The following FTO variants were observed in gnomAD, a reference collection of about 807,000 sequenced individuals.
FTO encodes the protein FTO alpha-ketoglutarate dependent dioxygenase.
A neutral mutation model predicts 63.9 loss-of-function variants in FTO; 47 were observed. That is an observed-to-expected ratio of 0.74 (90% CI 0.58 to 0.94). The LOEUF (loss-of-function observed/expected upper bound fraction) is 0.94. Ranked by LOEUF, FTO falls within the 40% of genes least tolerant of loss-of-function variation. FTO has a pLI of 0.00. For synonymous variants in FTO, 207 were observed against 224.4 expected, an observed-to-expected ratio of 0.92 and a Z score of 0.69; for missense variants, 562 against 618.1, an observed-to-expected ratio of 0.91 and a Z score of 0.96.
chr16:54,039,978 G>C (rs2085033082), intron 8 of FTO: 1 of 152,160 alleles, frequency 6.6e-6, no homozygotes, highest in South Asian at 2.1e-4. Context: ...TGTGAGCCAA[G>C]GTTTCTAACC....
intron 7 of FTO, among the ~76,000 whole-genome samples, chr16:53,933,631 C>G (rs1461871997): frequency 6.6e-6 from 1 of 152,028 alleles, no homozygotes; most frequent in East Asian, 1.9e-4. Flanking sequence ...AAAGGCAAAA[C>G]AAACAACTCA....
At chr16:54,048,229 A>G (rs1411072431) in intron 8 of FTO, among the ~76,000 whole-genome samples, 26 of 142,262 alleles carry the variant, frequency 1.8e-4, no homozygotes, top group Non-Finnish European at 3.3e-4. Context: ...AAAATAAAAA[A>G]TAAAAAATAA....
At position 53,907,154 on chromosome 16, in the gene FTO, G is replaced by A. The variant is rs1431888310; in HGVS notation, c.1239+18203G>A. On this transcript the variant is annotated intron_variant, in intron 7 of 8. Transcript: ENST00000471389. ...TATAGATGCTCCTCAACTTACGATGGGTCTGTGTCCTGATATACCCATTGA... is the reference window on the plus strand; with the variant it reads ...TATAGATGCTCCTCAACTTACGATGAGTCTGTGTCCTGATATACCCATTGA... 3.3e-5 allele frequency among the ~76,000 whole-genome samples: 5 copies of A among 152,004 alleles called. No individual in the cohort carries two copies. The East Asian group carries it at 9.6e-4, about 29-fold the overall frequency.
Position 53,844,712 on chromosome 16 carries a change from G to A in FTO, c.895+414G>A, listed in dbSNP as rs184357684. On this transcript the variant is annotated intron_variant, in intron 4 of 8. Transcript: ENST00000471389. ...TGACCTCAGGTGATCCACCTGCCTC[G>A]GTCCCCCAAAGTGCTGAGATTTACA... is the stretch of plus-strand genomic sequence containing the variant. Among the ~76,000 whole-genome samples the A allele has an allele frequency of 1.1e-3, 172 of 152,124 alleles. 1 individual carries two copies. The highest frequency in any genetic ancestry group is 3.9e-3 in the African/African-American group (160 of 41,482).
At chr16:53,870,224 T>A (rs113586290) in intron 4 of FTO, among the ~76,000 whole-genome samples, 5 of 152,102 alleles carry the variant, frequency 3.3e-5, no homozygotes, top group Non-Finnish European at 7.4e-5. Context: ...AATAAATAAA[T>A]AAATAAATAA....
At position 53,704,237 on chromosome 16, in the gene FTO, G is replaced by T. The variant is rs886052101; in HGVS notation, c.45+8G>T. The T allele has an allele frequency of 3.2e-6, 5 of 1,551,274 alleles. No individual in the cohort carries two copies. The East Asian group carries it at 1.2e-4, about 38-fold the overall frequency. On this transcript the variant is annotated splice_region_variant and intron_variant, in intron 1 of 8. Coordinates refer to ENST00000471389, the MANE Select transcript of FTO (RefSeq NM_001080432.3). ...CGAGAGCGCGAAGCTAAGGTATGTCGGGCTCCCGGGGCCTGGAGATCTTCG... is the reference window on the plus strand; with the variant it reads ...CGAGAGCGCGAAGCTAAGGTATGTCTGGCTCCCGGGGCCTGGAGATCTTCG...
intron 8 of FTO, among the ~76,000 whole-genome samples, chr16:54,028,847 T>A (rs1434168039): frequency 6.6e-6 from 1 of 152,144 alleles, no homozygotes; most frequent in African/African-American, 2.4e-5. Flanking sequence ...TTTTTCTTCC[T>A]CTCTCTACAT....
rs1292194202 is a variant in FTO at position 54,118,390 on chromosome 16, C to T, written c.*6475C>T. 1 of 144,202 alleles carries T rather than the reference C, an allele frequency of 6.9e-6. No individual in the cohort carries two copies. The highest frequency in any genetic ancestry group is 1.5e-5 in the Non-Finnish European group (1 of 66,612). The allele number at this position is 144,202 out of a possible 1,614,324, so 8.9% of individuals were successfully genotyped here. ...TCTTTTTTTTTTTCAGACAGGGTCT[C>T]ACCCTGTCACGTAGGCTGGAGTGCA... On this transcript the variant is annotated 3_prime_UTR_variant, in exon 9 of 9. Coordinates refer to ENST00000471389, the MANE Select transcript of FTO (RefSeq NM_001080432.3).
intron 8 of FTO, among the ~76,000 whole-genome samples, chr16:54,061,419 T>C (rs1399492907): frequency 4.6e-5 from 7 of 152,220 alleles, no homozygotes; most frequent in African/African-American, 2.4e-5. Context: ...AGGTCACAGA[T>C]TTCAAGAGAA....
intron 8 of FTO, among the ~76,000 whole-genome samples, chr16:54,038,717 C>T (rs1357037808): frequency 6.6e-6 from 1 of 152,192 alleles, no homozygotes; most frequent in East Asian, 1.9e-4. Context: ...TCCCCTCTCT[C>T]TCTTGTTCCC....
intron 8 of FTO, chr16:53,979,382 A>G (rs2083492865): frequency 1.3e-5 from 5 of 398,594 alleles, no homozygotes; most frequent in East Asian, 3.6e-5. Flanking sequence ...AAGATGGACC[A>G]ATTTACAGAT....
At chr16:53,777,917 A>G (rs985182985) in intron 1 of FTO, among the ~76,000 whole-genome samples, 4 of 152,268 alleles carry the variant, frequency 2.6e-5, no homozygotes, top group African/African-American at 4.8e-5. Context: ...ATGGTGTTCC[A>G]TGGGGCAAAT....
chr16:53,764,063 T>C (rs1012100894), intron 1 of FTO: 3 of 152,200 alleles, frequency 2.0e-5, no homozygotes, highest in Non-Finnish European at 2.9e-5. Flanking sequence ...TCATGATGAT[T>C]TACTTCGCAG....
rs189190680 is a variant in FTO, at chr16:53,736,138, C to G, written c.45+31909C>G. 4.6e-5 allele frequency among the ~76,000 whole-genome samples: 7 copies of G among 152,270 alleles called. No individual in the cohort carries two copies. The East Asian group carries it at 1.2e-3, about 25-fold the overall frequency. On this transcript the variant is annotated intron_variant, in intron 1 of 8. Transcript: ENST00000471389. ...GTGTTCAAACTGCTCCAGCTAGCAG[C>G]TGGTAGAGTTGAGGGTTTGAATATA...
At chr16:53,798,715 T>G (rs1403301327) in intron 1 of FTO, among the ~76,000 whole-genome samples, 2 of 152,218 alleles carry the variant, frequency 1.3e-5, no homozygotes, top group African/African-American at 4.8e-5. Flanking sequence ...TTTTTACCTT[T>G]TAAAAATTTA....
intron 7 of FTO, chr16:53,911,233 T>A: frequency 1.7e-6 from 1 of 594,634 alleles, no homozygotes; most frequent in Non-Finnish European, 3.0e-6. Flanking sequence ...GCTGAGCGAT[T>A]GGAGTGAGTA....
At chr16:53,722,804 G>T (rs1038756668) in intron 1 of FTO, among the ~76,000 whole-genome samples, 2 of 149,602 alleles carry the variant, frequency 1.3e-5, no homozygotes, top group African/African-American at 5.0e-5. Context: ...CTCCAGCCTG[G>T]ATGACAGGGT....
At chr16:53,925,317 A>T (rs2082113166) in intron 7 of FTO, among the ~76,000 whole-genome samples, 1 of 152,222 alleles carries the variant, frequency 6.6e-6, no homozygotes, top group Admixed American at 6.5e-5. Context: ...AGCTATGTAT[A>T]TAAAAAGTGT....
At chr16:53,929,965 G>T (rs980623760) in intron 7 of FTO, among the ~76,000 whole-genome samples, 3 of 152,172 alleles carry the variant, frequency 2.0e-5, no homozygotes, top group Admixed American at 1.3e-4. Context: ...GGTGATGCTA[G>T]GTGGCACTTG....
Sources: allele counts gnomAD v4.1 joint callset (sites outside exome capture counted in the v4.1 genomes callset), GRCh38; gene constraint gnomAD v4.1.1; transcripts MANE v1.5; gene names NCBI Gene and HGNC (gene_info 2026-07-23, HGNC 2026-07-21).